ANKS1B: variants seen among roughly 807,000 people sequenced by gnomAD.
ANKS1B encodes the protein ankyrin repeat and sterile alpha motif domain containing 1B.
A neutral mutation model predicts 148.3 loss-of-function variants in ANKS1B; 36 were observed. The observed-to-expected ratio is 0.24, with a 90% confidence interval of 0.19 to 0.32. The LOEUF (loss-of-function observed/expected upper bound fraction) is 0.32. Among genes scored for constraint, ANKS1B ranks in the 10% least tolerant of loss-of-function variants. The pLI, the probability that ANKS1B is intolerant of heterozygous loss-of-function variation, is 1.00. For missense variants in ANKS1B, 1,157 were observed against 1,542.6 expected (o/e 0.75, Z 4.19); for synonymous variants, 542 against 560.8 (o/e 0.97, Z 0.47).
chr12:99,180,080 T>A (rs1601452080), intron 14 of ANKS1B, among the ~76,000 whole-genome samples: 1 of 152,156 alleles, frequency 6.6e-6, no homozygotes, highest in African/African-American at 2.4e-5. Context: ...TTTCTACCTA[T>A]AATAATCTGT....
intron 17 of ANKS1B, chr12:98,894,630 C>T (rs1179205918): frequency 2.0e-6 from 2 of 984,934 alleles, no homozygotes; most frequent in African/African-American, 3.5e-5. Context: ...CGCTACTCAC[C>T]CGAGCCGCTC....
Position 98,801,677 on chromosome 12 carries a change from A to G in ANKS1B, c.3142-552T>C, listed in dbSNP as rs2153594169. 6.6e-6 allele frequency among the ~76,000 whole-genome samples: 1 copy of G among 152,302 alleles called. No individual in the cohort carries two copies. Among genetic ancestry groups the G allele is most frequent in the East Asian group, 1.9e-4 (1 of 5,178 alleles). The stretch of plus-strand genomic sequence containing the variant: ...CACTAATTTCTCTCATCTGAATTCA[A>G]TTGCACTGATTTAATGATGCTGTCT... On this transcript the variant is annotated intron_variant, in intron 20 of 26. Coordinates refer to ENST00000683438, the MANE Select transcript of ANKS1B (RefSeq NM_001352186.2). This position sits in a 1 kb window ranked among gnomAD's most constrained non-coding sequence, Gnocchi z 5.2.
intron 17 of ANKS1B, among the ~76,000 whole-genome samples, chr12:98,896,134 T>C: frequency 6.6e-6 from 1 of 152,178 alleles, no homozygotes; most frequent in Non-Finnish European, 1.5e-5. Flanking sequence ...GGCGGTACTT[T>C]AAGTAAAAGT....
chr12:98,893,459 T>C (rs1052101961), intron 17 of ANKS1B: 1 of 152,242 alleles, frequency 6.6e-6, no homozygotes, highest in Non-Finnish European at 1.5e-5. Flanking sequence ...CTTCTAACTT[T>C]AACGTGAGCC....
At position 99,752,653 on chromosome 12, in the gene ANKS1B, A is replaced by G. The variant is rs189270513; in HGVS notation, c.1128+20269T>C. Among the ~76,000 whole-genome samples, 6 of 152,108 alleles carry G rather than the reference A, an allele frequency of 3.9e-5. No homozygotes were observed. In the East Asian group the frequency reaches 1.2e-3, roughly 29 times the overall value. On this transcript the variant is annotated intron_variant, in intron 8 of 26. Coordinates refer to ENST00000683438, the MANE Select transcript of ANKS1B (RefSeq NM_001352186.2). ...GTTTTGTAGGATATTGATACTATTT[A>G]TTGGTAAGTAATAATATTTTATTAT...
At chr12:99,692,149 C>A (rs111716229) in intron 8 of ANKS1B, among the ~76,000 whole-genome samples, 13 of 152,110 alleles carry the variant, frequency 8.5e-5, no homozygotes, top group Admixed American at 8.5e-4. Context: ...ATGGGAAGAA[C>A]CTGATTGGCA....
chr12:99,526,113 C>T (rs959035191), intron 9 of ANKS1B, among the ~76,000 whole-genome samples: 12 of 152,060 alleles, frequency 7.9e-5, no homozygotes, highest in African/African-American at 2.2e-4. Context: ...AGATAACACA[C>T]CATTCTTGAT....
intron 12 of ANKS1B, among the ~76,000 whole-genome samples, chr12:99,363,858 A>G (rs1172306692): frequency 6.6e-6 from 1 of 152,184 alleles, no homozygotes; most frequent in Admixed American, 6.5e-5. Flanking sequence ...ACTTACATGT[A>G]AACGGGAGAT....
intron 1 of ANKS1B, among the ~76,000 whole-genome samples, chr12:99,978,357 AC>A (rs2095653304): frequency 6.6e-6 from 1 of 152,056 alleles, no homozygotes; most frequent in African/African-American, 2.4e-5. Context: ...GGAGCTGAAA[AC>A]CCTGCTCAGT....
At chr12:98,828,663 A>C (rs2099270284) in intron 19 of ANKS1B, among the ~76,000 whole-genome samples, 2 of 152,210 alleles carry the variant, frequency 1.3e-5, no homozygotes, top group South Asian at 4.1e-4. Flanking sequence ...CTCCCTTTTC[A>C]ATTACTTGTG....
chr12:99,543,063 G>A (rs1409057320), intron 9 of ANKS1B, among the ~76,000 whole-genome samples: 7 of 151,980 alleles, frequency 4.6e-5, no homozygotes, highest in Non-Finnish European at 1.0e-4. Context: ...CTAGGAGAAC[G>A]TATTTAAAAA....
chr12:99,729,529 T>A (rs2058936204), intron 8 of ANKS1B, among the ~76,000 whole-genome samples: 1 of 152,204 alleles, frequency 6.6e-6, no homozygotes, highest in African/African-American at 2.4e-5. Context: ...ATTCTCTATT[T>A]GATGCAAAAT....
chr12:99,554,833 GTTC>G (rs1239293734), intron 9 of ANKS1B, among the ~76,000 whole-genome samples: 1 of 152,086 alleles, frequency 6.6e-6, no homozygotes, highest in Non-Finnish European at 1.5e-5. Flanking sequence ...TAGTTTTTCA[GTTC>G]TCCTCCTCCT....
chr12:99,885,850 T>C (rs34564269), intron 1 of ANKS1B, among the ~76,000 whole-genome samples: 25,605 of 152,128 alleles, frequency 0.17, 2,722 homozygotes, highest in Non-Finnish European at 0.24. Flanking sequence ...TGAGAACATA[T>C]GGTATTTGGT....
At chr12:99,484,734 T>C (rs1319848085) in intron 10 of ANKS1B, among the ~76,000 whole-genome samples, 2 of 151,218 alleles carry the variant, frequency 1.3e-5, no homozygotes, top group Non-Finnish European at 1.5e-5. Context: ...TTTATCATTA[T>C]ATAGTGACCG....
At chr12:98,806,187 T>C (rs1474177837) in intron 20 of ANKS1B, among the ~76,000 whole-genome samples, 1 of 152,246 alleles carries the variant, frequency 6.6e-6, no homozygotes, top group Non-Finnish European at 1.5e-5. Context: ...TGTTATTTTC[T>C]TCTTAAGGAA....
intron 12 of ANKS1B, among the ~76,000 whole-genome samples, chr12:99,307,714 CTT>C (rs558467568): frequency 1.4e-5 from 2 of 144,336 alleles, no homozygotes; most frequent in Admixed American, 6.9e-5. Flanking sequence ...AACTGAATGT[CTT>C]TTTTTTTTTT....
At chr12:99,641,668 G>A (rs1280115675) in intron 9 of ANKS1B, among the ~76,000 whole-genome samples, 4 of 152,024 alleles carry the variant, frequency 2.6e-5, no homozygotes, top group Non-Finnish European at 5.9e-5. Flanking sequence ...CATCCACTCC[G>A]TAAGCATAAT....
At chr12:99,231,914 C>T (rs2086917219) in intron 14 of ANKS1B, among the ~76,000 whole-genome samples, 1 of 152,044 alleles carries the variant, frequency 6.6e-6, no homozygotes, top group South Asian at 2.1e-4. Flanking sequence ...TTCTTGCAGA[C>T]CCAGGGAAAG....
Sources: allele counts gnomAD v4.1 joint callset (sites outside exome capture counted in the v4.1 genomes callset), GRCh38; gene constraint gnomAD v4.1.1; non-coding constraint Gnocchi (gnomAD v3.1); transcripts MANE v1.5; gene names NCBI Gene and HGNC (gene_info 2026-07-23, HGNC 2026-07-21).